ELP2: variants seen among roughly 807,000 people sequenced by gnomAD.
ELP2 encodes the protein elongator acetyltransferase complex subunit 2, also known as elongator complex protein 2.
ELP2 carries 90 observed loss-of-function variants against 119.2 expected under a neutral mutation model. The observed-to-expected ratio is 0.75, with a 90% CI of 0.64 to 0.90. ELP2 has a LOEUF of 0.90. Ranked by LOEUF, ELP2 falls within the 40% of genes least tolerant of loss-of-function variation. The probability of loss-of-function intolerance (pLI) is 0.00; values close to 1 mark genes in which losing one functional copy is unlikely to be tolerated. For synonymous variants in ELP2, 339 were observed against 331.0 expected (o/e 1.02, Z -0.26); for missense variants, 921 against 967.8 (o/e 0.95, Z 0.64).
intron 11 of ELP2, 36 bp from the exon 12 acceptor site, chr18:36,154,814 G>A: frequency 1.9e-6 from 3 of 1,612,864 alleles, no homozygotes; most frequent in East Asian, 2.2e-5. Context: ...TAGTCTTTGA[G>A]TATTTTGATA....
Position 36,149,483 on chromosome 18 carries a change from G to GTTTTTTTTTTTTTTT in ELP2, c.1125+3106_1125+3107insTTTTTTTTTTTTTTT, listed in dbSNP as rs561853812. On this transcript the variant is annotated intron_variant, in intron 11 of 21. Coordinates refer to ENST00000358232, the MANE Select transcript of ELP2 (RefSeq NM_018255.4). ...ACATAGTTGCAGGGTTTTTTGTTTT[G>GTTTTTTTTTTTTTTT]TTTTGTTTTTTTTTTTTTTGCTTAG... 2.3e-3 allele frequency among the ~76,000 whole-genome samples: 233 copies of GTTTTTTTTTTTTTTT among 101,778 alleles called. 18 individuals carry two copies. The highest frequency in any genetic ancestry group is 4.4e-3 in the African/African-American group (119 of 26,884). The allele number at this position is 101,778 out of a possible 152,430, so 66.8% of individuals were successfully genotyped here.
chr18:36,130,340 G>T (rs1186501401), intron 1 of ELP2, among the ~76,000 whole-genome samples: 1 of 152,216 alleles, frequency 6.6e-6, no homozygotes, highest in Non-Finnish European at 1.5e-5. Flanking sequence ...AAACCCGAAT[G>T]ATAAGCATCT....
intron 19 of ELP2, among the ~76,000 whole-genome samples, chr18:36,168,625 A>G (rs1252315798): frequency 6.6e-6 from 1 of 152,172 alleles, no homozygotes; most frequent in Admixed American, 6.5e-5. Flanking sequence ...AACCGCCCCC[A>G]TGATCCTATT....
At chr18:36,151,822 C>G (rs986494662) in intron 11 of ELP2, among the ~76,000 whole-genome samples, 4 of 146,484 alleles carry the variant, frequency 2.7e-5, no homozygotes, top group Non-Finnish European at 5.9e-5. Flanking sequence ...GATCTTGGCT[C>G]ACTGCACTCT....
intron 21 of ELP2, among the ~76,000 whole-genome samples, chr18:36,173,923 G>T (rs2091155388): frequency 6.6e-6 from 1 of 152,252 alleles, no homozygotes; most frequent in East Asian, 1.9e-4. Flanking sequence ...AGGGGGTAGG[G>T]AGCATTAATA....
chr18:36,170,044 T>C lies in ELP2; in HGVS notation c.2077-19T>C. The C allele has an allele frequency of 6.2e-7, 1 of 1,614,174 alleles. No homozygotes were observed. The highest frequency in any genetic ancestry group is 8.5e-7 in the Non-Finnish European group (1 of 1,180,010). Reference sequence around the variant, plus strand: ...CTTGCAAAGAGAAGGCTTTACAGTGTGTGATCTGTCTGTATTAGGTGGTTG... The same window carrying C: ...CTTGCAAAGAGAAGGCTTTACAGTGCGTGATCTGTCTGTATTAGGTGGTTG... On this transcript the variant is annotated intron_variant, in intron 19 of 21. Coordinates refer to ENST00000358232, the MANE Select transcript of ELP2 (RefSeq NM_018255.4).
At chr18:36,139,380 A>G (rs1435203991) in intron 5 of ELP2, 3 of 1,516,604 alleles carry the variant, frequency 2.0e-6, no homozygotes, top group Non-Finnish European at 2.6e-6. Flanking sequence ...TACAAAGATA[A>G]TAGCCAGTGT....
At chr18:36,164,357 T>C (rs1390227214) in intron 17 of ELP2, 118 bp from the exon 18 acceptor site, 2 of 933,674 alleles carry the variant, frequency 2.1e-6, no homozygotes, top group East Asian at 2.6e-5. Flanking sequence ...AGGAATTTTT[T>C]TTGGAATTCA....
In ELP2 at chr18:36,180,271, T is replaced by C. The variant is rs2091305583; in HGVS notation, c.*5630T>C. The C allele has an allele frequency of 6.6e-6, 1 of 152,232 alleles. No homozygotes were observed. The highest frequency in any genetic ancestry group is 6.5e-5 in the Admixed American group (1 of 15,278). 9.4% of individuals were successfully genotyped at this position (152,232 alleles called of 1,614,324 possible). A position where few individuals can be genotyped will look rare whatever the true frequency, so the allele number is the denominator to read the frequency against. ...ATTTCTTGGAAGTCCCATACTATTT[T>C]GCTTAATCTCCTCGGGCAGAATTTA... On this transcript the variant is annotated 3_prime_UTR_variant, in exon 22 of 22. Coordinates refer to ENST00000358232, the MANE Select transcript of ELP2 (RefSeq NM_018255.4).
chr18:36,163,903 C>T (rs1360603005), intron 17 of ELP2, among the ~76,000 whole-genome samples: 1 of 152,034 alleles, frequency 6.6e-6, no homozygotes, highest in Non-Finnish European at 1.5e-5. Context: ...ATAGTAGATC[C>T]TTTATTTTGC....
intron 17 of ELP2, among the ~76,000 whole-genome samples, chr18:36,163,301 T>TAC (rs1243665934): frequency 2.6e-5 from 4 of 152,024 alleles, no homozygotes; most frequent in Non-Finnish European, 5.9e-5. Flanking sequence ...TGTGTGTGTA[T>TAC]ACACCACATT....
intron 3 of ELP2, 170 bp from the exon 4 acceptor site, chr18:36,138,100 A>G (rs2089894856): frequency 1.6e-6 from 1 of 619,662 alleles, no homozygotes. Flanking sequence ...GTCACAGGGC[A>G]TGCACATTTT....
At chr18:36,149,931 T>C (rs1337657690) in intron 11 of ELP2, among the ~76,000 whole-genome samples, 1 of 152,218 alleles carries the variant, frequency 6.6e-6, no homozygotes, top group Admixed American at 6.5e-5. Flanking sequence ...CATTATGAGC[T>C]GTACAGTGTA....
At chr18:36,153,622 T>TC (rs1468954553) in intron 11 of ELP2, among the ~76,000 whole-genome samples, 1 of 152,160 alleles carries the variant, frequency 6.6e-6, no homozygotes, top group Non-Finnish European at 1.5e-5. Flanking sequence ...GCAGTCACAG[T>TC]CCAGGCCTCA....
intron 6 of ELP2, 106 bp downstream of exon 6, chr18:36,141,307 C>A: frequency 1.1e-6 from 1 of 918,054 alleles, no homozygotes; most frequent in Non-Finnish European, 1.8e-6. Context: ...TAATCTAAAC[C>A]AAAATAATCC....
intron 11 of ELP2, among the ~76,000 whole-genome samples, chr18:36,149,275 G>A (rs557116421): frequency 6.6e-6 from 1 of 152,222 alleles, no homozygotes; most frequent in Non-Finnish European, 1.5e-5. Flanking sequence ...CAAGCAAGTA[G>A]CTCCTCAGTC....
At chr18:36,134,022 G>A (rs1790776066) in intron 2 of ELP2, among the ~76,000 whole-genome samples, 1 of 141,574 alleles carries the variant, frequency 7.1e-6, no homozygotes, top group South Asian at 2.4e-4. Context: ...CCATTCTCCT[G>A]CCTTGCTCTG....
At chr18:36,151,252 T>C (rs556630201) in intron 11 of ELP2, among the ~76,000 whole-genome samples, 1 of 151,942 alleles carries the variant, frequency 6.6e-6, no homozygotes, top group East Asian at 2.0e-4. Flanking sequence ...GCCCGGCTAA[T>C]TTCTATTTTT....
chr18:36,165,103 G>C, intron 18 of ELP2: 1 of 179,460 alleles, frequency 5.6e-6, no homozygotes, highest in Admixed American at 5.6e-5. Flanking sequence ...TATTAATATA[G>C]TACTATTTTA....
Sources: gnomAD v4.1 joint callset for allele counts (sites outside exome capture counted in the v4.1 genomes callset) on GRCh38, gnomAD v4.1.1 for gene constraint, MANE v1.5 for transcripts, NCBI Gene and HGNC (gene_info 2026-07-23, HGNC 2026-07-21) for gene names.